The following PTPRD variants were observed in gnomAD, a reference collection of about 807,000 sequenced individuals.
PTPRD encodes the protein protein tyrosine phosphatase receptor type D.
Under a neutral mutation model 214.5 loss-of-function variants are expected in PTPRD, and 34 were observed. The ratio of observed to expected loss-of-function variants is 0.16; its 90% CI spans 0.12 to 0.21. PTPRD has a LOEUF of 0.21. Among genes scored for constraint, PTPRD ranks in the 10% least tolerant of loss-of-function variants. The pLI is 1.00. For synonymous variants in PTPRD, 1,128 were observed against 845.7 expected, an observed-to-expected ratio of 1.33 and a Z score of -5.79; for missense variants, 2,545 against 2,398.7, an observed-to-expected ratio of 1.06 and a Z score of -1.27.
At chr9:10,336,675 A>G (rs1300044130) in intron 3 of PTPRD, among the ~76,000 whole-genome samples, 1 of 151,674 alleles carries the variant, frequency 6.6e-6, no homozygotes. Context: ...TGAAAATAAA[A>G]AGAATGAATA....
intron 3 of PTPRD, among the ~76,000 whole-genome samples, chr9:10,055,396 T>C (rs1406750814): frequency 6.6e-6 from 1 of 152,142 alleles, no homozygotes; most frequent in Admixed American, 6.6e-5. Flanking sequence ...ATATACTCTT[T>C]CACTTAATTT....
intron 30 of PTPRD, among the ~76,000 whole-genome samples, chr9:8,472,616 A>T (rs1278437728): frequency 2.6e-5 from 4 of 152,212 alleles, no homozygotes; most frequent in Non-Finnish European, 5.9e-5. Flanking sequence ...ATTGCATTTC[A>T]AAGACTTAGC....
chr9:8,923,063 A>T, intron 11 of PTPRD, among the ~76,000 whole-genome samples: 1 of 143,306 alleles, frequency 7.0e-6, no homozygotes, highest in Non-Finnish European at 1.5e-5. Flanking sequence ...TGTTTTTGAG[A>T]CTGAGTCTCG....
intron 7 of PTPRD, among the ~76,000 whole-genome samples, chr9:9,706,491 G>A (rs1225077800): frequency 1.3e-5 from 2 of 151,532 alleles, no homozygotes; most frequent in Non-Finnish European, 2.9e-5. Flanking sequence ...ACAGGCTGGA[G>A]TGCAATGACA....
intron 5 of PTPRD, among the ~76,000 whole-genome samples, chr9:9,817,731 G>T (rs571457918): frequency 2.6e-5 from 4 of 152,310 alleles, no homozygotes; most frequent in East Asian, 3.9e-4. Context: ...GAAAAACAAA[G>T]AGGATAACTG....
intron 11 of PTPRD, among the ~76,000 whole-genome samples, chr9:8,814,420 A>C (rs1431126449): frequency 6.6e-6 from 1 of 152,156 alleles, no homozygotes; most frequent in African/African-American, 2.4e-5. Context: ...GACCCCACAG[A>C]AGGAATGTTC....
intron 3 of PTPRD, among the ~76,000 whole-genome samples, chr9:10,336,640 T>C (rs913274654): frequency 5.9e-5 from 9 of 151,652 alleles, no homozygotes; most frequent in Non-Finnish European, 1.2e-4. Context: ...GTAATATTTA[T>C]GTCTGTCCTA....
intron 9 of PTPRD, among the ~76,000 whole-genome samples, chr9:9,216,320 C>T (rs2099952196): frequency 6.6e-6 from 1 of 152,136 alleles, no homozygotes; most frequent in South Asian, 2.1e-4. Flanking sequence ...CAAATCCTAG[C>T]CACTTACCTC....
intron 9 of PTPRD, among the ~76,000 whole-genome samples, chr9:9,378,668 C>G (rs1282469460): frequency 6.6e-6 from 1 of 152,088 alleles, no homozygotes; most frequent in Non-Finnish European, 1.5e-5. Flanking sequence ...CATATCCTAG[C>G]TAGCATTTGG....
At chr9:10,274,023 T>A (rs7851534) in intron 3 of PTPRD, among the ~76,000 whole-genome samples, 1 of 151,984 alleles carries the variant, frequency 6.6e-6, no homozygotes, top group Non-Finnish European at 1.5e-5. Context: ...TGTATCCTCC[T>A]AACAGAATTT....
At chr9:9,560,646 T>G (rs1403984689) in intron 8 of PTPRD, among the ~76,000 whole-genome samples, 2 of 152,126 alleles carry the variant, frequency 1.3e-5, no homozygotes, top group Non-Finnish European at 2.9e-5. Context: ...TATTGCCAGT[T>G]GTCAGGTCCT....
chr9:8,813,536 C>T (rs2096859171), intron 11 of PTPRD, among the ~76,000 whole-genome samples: 1 of 152,050 alleles, frequency 6.6e-6, no homozygotes, highest in African/African-American at 2.4e-5. Flanking sequence ...CATGCCTAGC[C>T]AATTTAAAAA....
intron 8 of PTPRD, among the ~76,000 whole-genome samples, chr9:9,493,787 C>CAAAAAAAAAAAAAAAAA (rs750252052): frequency 5.5e-5 from 3 of 54,464 alleles, no homozygotes; most frequent in East Asian, 1.2e-3. Flanking sequence ...GACTCCGTCT[C>CAAAAAAAAAAAAAAAAA]AAAAAAAAAA....
chr9:9,645,795 C>T (rs1002876387), intron 7 of PTPRD, among the ~76,000 whole-genome samples: 4 of 151,896 alleles, frequency 2.6e-5, no homozygotes, highest in Admixed American at 6.6e-5. Flanking sequence ...TATCTTTCTC[C>T]TGAATAATTT....
At chr9:10,214,714 C>A (rs1334933265) in intron 3 of PTPRD, among the ~76,000 whole-genome samples, 11 of 152,110 alleles carry the variant, frequency 7.2e-5, no homozygotes. Flanking sequence ...TGAAGAATCA[C>A]AATTCAGATA....
At chr9:9,617,513 A>G (rs2094948825) in intron 7 of PTPRD, among the ~76,000 whole-genome samples, 1 of 152,234 alleles carries the variant, frequency 6.6e-6, no homozygotes, top group South Asian at 2.1e-4. Context: ...GGAAAGGTTG[A>G]CAAATGTGTG....
At chr9:8,332,220 C>T (rs951987572) in intron 43 of PTPRD, among the ~76,000 whole-genome samples, 4 of 152,168 alleles carry the variant, frequency 2.6e-5, no homozygotes, top group African/African-American at 4.8e-5. Flanking sequence ...TTGCAGTTGT[C>T]GCAATAACTT....
intron 3 of PTPRD, among the ~76,000 whole-genome samples, chr9:10,211,933 T>C (rs922853055): frequency 1.3e-5 from 2 of 152,162 alleles, no homozygotes; most frequent in Admixed American, 1.3e-4. Flanking sequence ...ACTGCACTTG[T>C]ACTCCTTAAA....
At chr9:8,375,335 G>A (rs947563071) in intron 39 of PTPRD, among the ~76,000 whole-genome samples, 1 of 151,914 alleles carries the variant, frequency 6.6e-6, no homozygotes, top group African/African-American at 2.4e-5. Context: ...TACATTTCGA[G>A]AGAAATACAA....
Sources: allele counts gnomAD v4.1 joint callset (sites outside exome capture counted in the v4.1 genomes callset), GRCh38; gene constraint gnomAD v4.1.1; transcripts MANE v1.5; gene names NCBI Gene and HGNC (gene_info 2026-07-23, HGNC 2026-07-21).